ANKRD30B: variants seen among roughly 807,000 people sequenced by gnomAD.
ANKRD30B encodes ankyrin repeat domain-containing protein 30B.
Under a neutral mutation model 202.2 loss-of-function variants are expected in ANKRD30B, and 144 were observed. The ratio of observed to expected loss-of-function variants is 0.71; its 90% CI spans 0.62 to 0.82. The LOEUF (loss-of-function observed/expected upper bound fraction) is 0.82. Among genes scored for constraint, ANKRD30B ranks in the 40% least tolerant of loss-of-function variants. The pLI is 0.00. For missense variants in ANKRD30B, 1,487 were observed against 1,669.1 expected, an observed-to-expected ratio of 0.89 and a Z score of 1.90; for synonymous variants, 508 against 561.3, an observed-to-expected ratio of 0.91 and a Z score of 1.34.
intron 20 of ANKRD30B, 67 bp downstream of exon 20, chr18:14,797,921 C>T (rs1969031336): frequency 1.6e-6 from 2 of 1,272,096 alleles, no homozygotes; most frequent in Non-Finnish European, 2.2e-6. Context: ...TGCCAAGAGC[C>T]TTTTATTCCC....
At chr18:14,924,366 A>G in the ANKRD30B span, among the ~76,000 whole-genome samples, 5 of 152,234 alleles carry the variant, frequency 3.3e-5, no homozygotes, top group African/African-American at 1.2e-4. Context: ...CTGTAGCTAT[A>G]TGTAGATGGT....
chr18:14,808,016 C>T (rs1303037163), intron 24 of ANKRD30B, among the ~76,000 whole-genome samples: 2 of 150,982 alleles, frequency 1.3e-5, no homozygotes, highest in Non-Finnish European at 3.0e-5. Context: ...TTTAGAACAT[C>T]CTCTGCAATG....
the ANKRD30B span, among the ~76,000 whole-genome samples, chr18:14,901,406 T>A: frequency 6.6e-6 from 1 of 152,328 alleles, no homozygotes; most frequent in African/African-American, 2.4e-5. Flanking sequence ...AATGAATGAG[T>A]TCATGAAGAT....
At chr18:14,785,795 T>C (rs1378577733) in intron 14 of ANKRD30B, among the ~76,000 whole-genome samples, 1 of 152,012 alleles carries the variant, frequency 6.6e-6, no homozygotes, top group Non-Finnish European at 1.5e-5. Context: ...CCAGGTAGAT[T>C]TGGGAGGCCG....
At chr18:14,865,542 T>C in the ANKRD30B span, among the ~76,000 whole-genome samples, 3 of 151,464 alleles carry the variant, frequency 2.0e-5, no homozygotes, top group African/African-American at 7.3e-5. Flanking sequence ...AAAAACTTTT[T>C]CACTACCGTC....
intron 28 of ANKRD30B, among the ~76,000 whole-genome samples, chr18:14,811,262 A>C (rs1050369496): frequency 6.6e-6 from 1 of 151,458 alleles, no homozygotes; most frequent in African/African-American, 2.4e-5. Context: ...CCCAGGCTGG[A>C]GAGCAGTGGT....
chr18:14,805,664 A>G (rs550195060), intron 24 of ANKRD30B, among the ~76,000 whole-genome samples: 1 of 151,142 alleles, frequency 6.6e-6, no homozygotes, highest in African/African-American at 2.4e-5. Flanking sequence ...AACATGATGA[A>G]TATTTGTAAT....
At chr18:14,778,419 C>A (rs765412305) in intron 10 of ANKRD30B, among the ~76,000 whole-genome samples, 1 of 152,192 alleles carries the variant, frequency 6.6e-6, no homozygotes, top group African/African-American at 2.4e-5. Context: ...AATTCTTTAG[C>A]GAAAGATAAG....
intron 41 of ANKRD30B, 49 bp downstream of exon 41, chr18:14,850,431 A>G (rs778037892): frequency 2.1e-6 from 3 of 1,434,234 alleles, no homozygotes; most frequent in Admixed American, 3.1e-5. Flanking sequence ...TTATTTCATC[A>G]GTATTACTTT....
At chr18:14,808,452 C>A (rs45443593) in intron 24 of ANKRD30B, 99 bp from the exon 25 acceptor site, 1 of 1,260,260 alleles carries the variant, frequency 7.9e-7, no homozygotes, top group African/African-American at 1.5e-5. Flanking sequence ...CTTTTCAATC[C>A]AAGCATGAGG....
At chr18:14,874,335 AAAAG>A in the ANKRD30B span, among the ~76,000 whole-genome samples, 2 of 152,220 alleles carry the variant, frequency 1.3e-5, no homozygotes, top group Non-Finnish European at 2.9e-5. Context: ...TAGTATGTTT[AAAAG>A]AGGTTTTAAT....
At chr18:14,810,695 C>A (rs1243756371) in intron 28 of ANKRD30B, among the ~76,000 whole-genome samples, 1 of 151,080 alleles carries the variant, frequency 6.6e-6, no homozygotes, top group Non-Finnish European at 1.5e-5. Flanking sequence ...GCTAGACACA[C>A]TGTTTTAGAA....
chr18:14,834,329 A>T (rs1971082842), intron 34 of ANKRD30B, among the ~76,000 whole-genome samples: 1 of 152,066 alleles, frequency 6.6e-6, no homozygotes, highest in Admixed American at 6.5e-5. Flanking sequence ...AATCTAATGG[A>T]TACCAACATA....
chr18:14,940,077 A>G, the ANKRD30B span, among the ~76,000 whole-genome samples: 2 of 152,244 alleles, frequency 1.3e-5, no homozygotes, highest in African/African-American at 4.8e-5. Flanking sequence ...ACTGTGCAGC[A>G]GAATCACCGA....
At chr18:14,881,817 C>T in the ANKRD30B span, among the ~76,000 whole-genome samples, 1 of 151,694 alleles carries the variant, frequency 6.6e-6, no homozygotes, top group Non-Finnish European at 1.5e-5. Context: ...CTAATTCTTC[C>T]TGATTTAAGT....
the ANKRD30B span, among the ~76,000 whole-genome samples, chr18:14,924,206 G>T: frequency 1.3e-5 from 2 of 152,208 alleles, no homozygotes; most frequent in Non-Finnish European, 2.9e-5. Context: ...AAAATGAACA[G>T]TAGAACTGTG....
intron 28 of ANKRD30B, among the ~76,000 whole-genome samples, chr18:14,811,229 G>C (rs1969900276): frequency 6.6e-6 from 1 of 151,556 alleles, no homozygotes; most frequent in African/African-American, 2.4e-5. Context: ...GCGTCTCGCT[G>C]TCTCGCCCAT....
chr18:14,837,531 T>A, intron 35 of ANKRD30B, 84 bp from the exon 36 acceptor site: 1 of 1,111,286 alleles, frequency 9.0e-7, no homozygotes, highest in Non-Finnish European at 1.2e-6. Flanking sequence ...GAAATACTCA[T>A]AAATGGAAAT....
chr18:14,837,287 C>T lies in ANKRD30B; in HGVS notation c.2924C>T (p.Thr975Ile), dbSNP rs772308610. 7.2e-6 allele frequency: 11 copies of T among 1,535,300 alleles called. No individual in the cohort carries two copies. The highest frequency in any genetic ancestry group is 3.4e-4 in the Middle Eastern group (2 of 5,924). Residue 975 changes from threonine to isoleucine, a missense_variant and splice_region_variant, in exon 35 of 44, where the codon ACA becomes ATA. By Grantham distance (89) the Thr-to-Ile change is moderately conservative (BLOSUM62 -1). Around this residue, in one of 6 missense-constraint regions of ANKRD30B, gnomAD observed 218 missense variants for 320.1 expected, o/e 0.68. Coordinates refer to ENST00000690538, the MANE Select transcript of ANKRD30B (RefSeq NM_001367607.2). ...ATTGAACGAGCTCCACAAGATCAAA[C>T]AAGTAATGACAATTTTATTTTTTAT... is the stretch of plus-strand genomic sequence containing the variant. ...GIIERAPQDQ[T>I]NKMPTSELGR...
Sources: gnomAD v4.1 joint callset for allele counts (sites outside exome capture counted in the v4.1 genomes callset) on GRCh38, gnomAD v4.1.1 for gene constraint, gnomAD v4.1.1 regional missense constraint, MANE v1.5 for transcripts, NCBI Gene and HGNC (gene_info 2026-07-23, HGNC 2026-07-21) for gene names.